Variants in BICDL1 observed in about 807,000 individuals in gnomAD.
BICDL1 encodes the protein BICD family like cargo adaptor 1, also known as BICD family-like cargo adapter 1.
BICDL1 carries 20 observed loss-of-function variants against 76.8 expected under a neutral mutation model. The ratio of observed to expected loss-of-function variants is 0.26; its 90% confidence interval spans 0.18 to 0.38. The LOEUF (loss-of-function observed/expected upper bound fraction) is 0.38. Among genes scored for constraint, BICDL1 ranks in the 10% least tolerant of loss-of-function variants. The pLI, the probability that BICDL1 is intolerant of heterozygous loss-of-function variation, is 1.00. For missense variants in BICDL1, 700 were observed against 798.6 expected (o/e 0.88, Z 1.49); for synonymous variants, 383 against 337.1 (o/e 1.14, Z -1.49).
intron 2 of BICDL1, among the ~76,000 whole-genome samples, chr12:120,056,173 T>G (rs1952967153): frequency 6.6e-6 from 1 of 152,240 alleles, no homozygotes; most frequent in Non-Finnish European, 1.5e-5. Context: ...ATTTTAACTT[T>G]CATTTTAATT....
rs376510238 is a variant in BICDL1 at position 120,006,287 on chromosome 12, C to T, written c.645+7551C>T. Among the ~76,000 whole-genome samples the T allele has an allele frequency of 2.2e-3, 337 of 152,198 alleles. 15 individuals carry two copies. In the South Asian group the frequency reaches 0.066, roughly 30 times the overall value. ...CTTTATAATTATTTGTTAAGCAAGACGTATTTGTTTTATGTATTTATCTTT... is the reference window on the plus strand; with the variant it reads ...CTTTATAATTATTTGTTAAGCAAGATGTATTTGTTTTATGTATTTATCTTT... On this transcript the variant is annotated intron_variant, in intron 2 of 9. Transcript: ENST00000548673.
chr12:120,067,151 T>G (rs1368355511), intron 4 of BICDL1, among the ~76,000 whole-genome samples: 1 of 152,268 alleles, frequency 6.6e-6, no homozygotes, highest in Non-Finnish European at 1.5e-5. Context: ...AAACTCTTAC[T>G]ATCCAGTAAA....
chr12:120,031,369 A>C (rs1952420611), intron 2 of BICDL1, among the ~76,000 whole-genome samples: 1 of 151,818 alleles, frequency 6.6e-6, no homozygotes, highest in African/African-American at 2.4e-5. Flanking sequence ...ATGCCTGGCT[A>C]ATTTTTTTGT....
At chr12:120,009,866 C>T (rs935599577) in intron 2 of BICDL1, among the ~76,000 whole-genome samples, 2 of 152,230 alleles carry the variant, frequency 1.3e-5, no homozygotes, top group African/African-American at 4.8e-5. Context: ...ATAGCATCAT[C>T]TCCATTTCTC....
intron 9 of BICDL1, chr12:120,091,266 A>AG: frequency 4.5e-6 from 5 of 1,117,138 alleles, no homozygotes; most frequent in Non-Finnish European, 3.3e-6. Flanking sequence ...CCATCCACTG[A>AG]GGGACCAGCA....
intron 7 of BICDL1, chr12:120,080,629 C>G: frequency 2.9e-6 from 1 of 344,100 alleles, no homozygotes. Flanking sequence ...AAGGGAAGAT[C>G]TGGCCTACGG....
intron 9 of BICDL1, chr12:120,091,706 A>G (rs1874985319): frequency 1.0e-6 from 1 of 985,250 alleles, no homozygotes; most frequent in African/African-American, 1.7e-5. Flanking sequence ...AGGGGTCCAC[A>G]CTCACTGCTA....
rs1874897852 is a variant in BICDL1 at position 120,090,839 on chromosome 12, T to G, written c.1704+768T>G. 4 of 1,266,222 alleles carry G rather than the reference T, an allele frequency of 3.2e-6. No homozygotes were observed. The Admixed American group carries it at 9.2e-5, about 29-fold the overall frequency. The allele number at this position is 1,266,222 out of a possible 1,614,324, so 78.4% of individuals were successfully genotyped here. A position where few individuals can be genotyped will look rare whatever the true frequency, so the allele number is the denominator to read the frequency against. On this transcript the variant is annotated intron_variant, in intron 9 of 9. Coordinates refer to ENST00000548673, the MANE Select transcript of BICDL1 (RefSeq NM_001367886.1). ...CGCAGGGTGCCCGTCCCTGGCTCCT[T>G]GGCTCCTGCATGGCAGCCAGCTGGC...
chr12:119,998,838 G>C, intron 2 of BICDL1, 102 bp downstream of exon 2: 2 of 1,161,992 alleles, frequency 1.7e-6, no homozygotes, highest in South Asian at 3.0e-5. Context: ...GGAGGCCAAG[G>C]TGGGAGAAGC....
At chr12:120,082,509 C>A (rs1299141892) in intron 8 of BICDL1, among the ~76,000 whole-genome samples, 3 of 152,174 alleles carry the variant, frequency 2.0e-5, no homozygotes, top group Non-Finnish European at 4.4e-5. Context: ...CTACCTCAGT[C>A]TCCCAAAGTC....
At chr12:120,081,150 C>A in intron 8 of BICDL1, 133 bp downstream of exon 8, 1 of 664,082 alleles carries the variant, frequency 1.5e-6, no homozygotes, top group Non-Finnish European at 2.4e-6. Context: ...TACCCACCCC[C>A]ACCCCCACCC....
intron 2 of BICDL1, among the ~76,000 whole-genome samples, chr12:120,007,038 C>T (rs564249447): frequency 7.8e-4 from 119 of 151,764 alleles, no homozygotes; most frequent in Non-Finnish European, 1.3e-3. Flanking sequence ...GTAGAACTGA[C>T]AAGACTTACT....
At chr12:119,994,266 G>A (rs978231212) in intron 1 of BICDL1, among the ~76,000 whole-genome samples, 48 of 152,232 alleles carry the variant, frequency 3.2e-4, no homozygotes, top group African/African-American at 9.9e-4. Flanking sequence ...CATAATGGGA[G>A]TCACTAGTGG....
At chr12:120,004,336 T>C (rs1951814009) in intron 2 of BICDL1, among the ~76,000 whole-genome samples, 1 of 152,174 alleles carries the variant, frequency 6.6e-6, no homozygotes, top group Non-Finnish European at 1.5e-5. Context: ...CACTATGACT[T>C]TGGGTATTAC....
intron 2 of BICDL1, among the ~76,000 whole-genome samples, chr12:120,021,157 G>A (rs898247969): frequency 6.6e-6 from 1 of 152,086 alleles, no homozygotes; most frequent in Non-Finnish European, 1.5e-5. Context: ...GGTGGCATGT[G>A]CCTGTAGTCC....
At chr12:120,022,724 A>G (rs560639138) in intron 2 of BICDL1, among the ~76,000 whole-genome samples, 52 of 152,160 alleles carry the variant, frequency 3.4e-4, no homozygotes, top group Admixed American at 1.8e-3. Context: ...ATCCCCGAGA[A>G]ATGGGGAAAC....
At chr12:120,067,650 T>C (rs1390700068) in intron 4 of BICDL1, among the ~76,000 whole-genome samples, 1 of 152,244 alleles carries the variant, frequency 6.6e-6, no homozygotes. Flanking sequence ...CTTGCTGTTA[T>C]CATTAATTAA....
At chr12:120,083,563 G>GGAGTGT (rs1874157195) in intron 8 of BICDL1, among the ~76,000 whole-genome samples, 1 of 151,650 alleles carries the variant, frequency 6.6e-6, no homozygotes, top group Non-Finnish European at 1.5e-5. Context: ...CCCTGTTCAA[G>GGAGTGT]GAGTGTGAGG....
intron 1 of BICDL1, among the ~76,000 whole-genome samples, chr12:119,998,067 T>C (rs938264753): frequency 6.6e-6 from 1 of 152,040 alleles, no homozygotes; most frequent in South Asian, 2.1e-4. Context: ...TGAGCCAAGA[T>C]CACACCACTG....
Sources: allele counts gnomAD v4.1 joint callset (sites outside exome capture counted in the v4.1 genomes callset), GRCh38; gene constraint gnomAD v4.1.1; transcripts MANE v1.5; gene names NCBI Gene and HGNC (gene_info 2026-07-23, HGNC 2026-07-21).